Variants in ATG7 observed in about 807,000 individuals in gnomAD.
The protein encoded by ATG7 is ubiquitin-like modifier-activating enzyme ATG7.
ATG7 carries 70 observed loss-of-function variants against 82.4 expected under a neutral mutation model. The ratio of observed to expected loss-of-function variants is 0.85; its 90% confidence interval spans 0.70 to 1.04. The LOEUF is 1.04. Among genes scored for constraint, ATG7 ranks in the 50% least tolerant of loss-of-function variants. The pLI, the probability that ATG7 is intolerant of heterozygous loss-of-function variation, is 0.00. For missense variants in ATG7, 792 were observed against 864.3 expected, an observed-to-expected ratio of 0.92 and a Z score of 1.05; for synonymous variants, 287 against 313.0, an observed-to-expected ratio of 0.92 and a Z score of 0.88.
intron 19 of ATG7, among the ~76,000 whole-genome samples, chr3:11,406,729 G>A (rs2080379233): frequency 6.6e-6 from 1 of 152,202 alleles, no homozygotes; most frequent in African/African-American, 2.4e-5. Context: ...GATGGCAGCA[G>A]GAAAACAGAG....
intron 19 of ATG7, among the ~76,000 whole-genome samples, chr3:11,411,976 CCT>C (rs1576212505): frequency 1.0e-5 from 1 of 98,206 alleles, no homozygotes; most frequent in Non-Finnish European, 2.6e-5. Flanking sequence ...AAAAGACTGT[CCT>C]TTTTTTTTTT....
At chr3:11,486,820 GTTTTTT>G (rs34251925) in intron 20 of ATG7, among the ~76,000 whole-genome samples, 4 of 132,026 alleles carry the variant, frequency 3.0e-5, no homozygotes, top group Non-Finnish European at 4.8e-5. Flanking sequence ...CTTTGGTTCT[GTTTTTT>G]TTTTTTTTTT....
At chr3:11,542,105 A>G (rs1014677687) in intron 20 of ATG7, among the ~76,000 whole-genome samples, 1 of 152,200 alleles carries the variant, frequency 6.6e-6, no homozygotes, top group African/African-American at 2.4e-5. Context: ...CCCCGTTGCT[A>G]GCCATTCGCG....
At chr3:11,394,947 A>G (rs886730949) in intron 19 of ATG7, among the ~76,000 whole-genome samples, 1 of 152,190 alleles carries the variant, frequency 6.6e-6, no homozygotes, top group Non-Finnish European at 1.5e-5. Context: ...AGACAAAAGA[A>G]ATACAGACAT....
Position 11,380,010 on chromosome 3 carries a change from C to A in ATG7, c.1914C>A (p.Pro638=). The change falls in exon 19 of 21, where the codon CCC becomes CCA. Residue 638 remains proline, a synonymous_variant. Transcript: ENST00000693202. ...GFLSRFDNVL[P]VSLAFDKCTA... is the part of the protein sequence containing the mutation. ...TTTCACGGTTTGATAATGTCCTTCC[C>A]GTCAGCCTGGCATTTGACAAATGTA... is the stretch of plus-strand genomic sequence containing the variant. 3.1e-6 allele frequency: 5 copies of A among 1,614,068 alleles called. No homozygotes were observed. The highest frequency in any genetic ancestry group is 4.2e-6 in the Non-Finnish European group (5 of 1,179,996).
At chr3:11,522,683 A>AC (rs1353986698) in intron 20 of ATG7, among the ~76,000 whole-genome samples, 1 of 152,236 alleles carries the variant, frequency 6.6e-6, no homozygotes, top group Non-Finnish European at 1.5e-5. Flanking sequence ...AAAATGGTCT[A>AC]CCCAAAGCTT....
intron 20 of ATG7, among the ~76,000 whole-genome samples, chr3:11,436,564 T>C (rs2083388427): frequency 6.6e-6 from 1 of 152,162 alleles, no homozygotes; most frequent in Admixed American, 6.5e-5. Flanking sequence ...TGTGTATAAA[T>C]ATAGCCCAGA....
intron 20 of ATG7, among the ~76,000 whole-genome samples, chr3:11,521,972 C>T (rs1476150342): frequency 6.6e-6 from 1 of 152,132 alleles, no homozygotes; most frequent in African/African-American, 2.4e-5. Flanking sequence ...CTCTTTATGC[C>T]GTTGGTCCTC....
the ATG7 span, among the ~76,000 whole-genome samples, chr3:11,570,766 T>C: frequency 6.6e-6 from 1 of 152,166 alleles, no homozygotes; most frequent in East Asian, 1.9e-4. Context: ...TTTAGTCCCT[T>C]CCTCCAACTT....
rs752495534 is a variant in ATG7, at chr3:11,556,793, A to G, written c.*1950A>G. The G allele has an allele frequency of 5.2e-5, 8 of 152,814 alleles. No individual in the cohort carries two copies. The highest frequency in any genetic ancestry group is 1.2e-4 in the African/African-American group (5 of 41,462). 9.5% of individuals were successfully genotyped at this position (152,814 alleles called of 1,614,324 possible). A position where few individuals can be genotyped will look rare whatever the true frequency, so the allele number is the denominator to read the frequency against. ...TCACCCATATAGAAAAGTGTTCTCA[A>G]CGATTTTTCCTACAGAAAATATAGG... On this transcript the variant is annotated 3_prime_UTR_variant, in exon 21 of 21. Transcript: ENST00000693202.
chr3:11,318,413 G>A (rs1299099910), intron 9 of ATG7, among the ~76,000 whole-genome samples: 1 of 152,202 alleles, frequency 6.6e-6, no homozygotes, highest in Non-Finnish European at 1.5e-5. Context: ...AATTGATACG[G>A]GTGATACTTT....
chr3:11,563,013 T>C, the ATG7 span, among the ~76,000 whole-genome samples: 1 of 152,256 alleles, frequency 6.6e-6, no homozygotes, highest in African/African-American at 2.4e-5. Context: ...CAGGCCACTC[T>C]GTTCAGCAGT....
At chr3:11,434,706 A>G (rs1372611797) in intron 20 of ATG7, among the ~76,000 whole-genome samples, 1 of 152,242 alleles carries the variant, frequency 6.6e-6, no homozygotes, top group Non-Finnish European at 1.5e-5. Context: ...GGAAAGTTGC[A>G]ATTGGAAAAT....
intron 9 of ATG7, among the ~76,000 whole-genome samples, chr3:11,319,046 C>T (rs151179759): frequency 2.0e-5 from 3 of 152,298 alleles, no homozygotes; most frequent in East Asian, 1.9e-4. Flanking sequence ...CCCCACTCTG[C>T]GTCCTCAACA....
downstream of ATG7, chr3:11,559,407 T>G: frequency 6.4e-7 from 1 of 1,563,108 alleles, no homozygotes; most frequent in Non-Finnish European, 8.7e-7. Context: ...TGCGAGAGGT[T>G]GCAGTTGCGG....
At chr3:11,469,988 C>CAAAAAAAAA (rs10628540) in intron 20 of ATG7, among the ~76,000 whole-genome samples, 167 of 87,480 alleles carry the variant, frequency 1.9e-3, no homozygotes, top group Middle Eastern at 7.1e-3. Flanking sequence ...GACTCCATCT[C>CAAAAAAAAA]AAAAAAAAAA....
chr3:11,304,843 T>C (rs192305345), intron 5 of ATG7, among the ~76,000 whole-genome samples: 148 of 152,342 alleles, frequency 9.7e-4, no homozygotes, highest in Non-Finnish European at 1.8e-3. Flanking sequence ...TTTTAGGAGC[T>C]ATGTTGAGAT....
At chr3:11,492,636 G>A (rs1475882241) in intron 20 of ATG7, among the ~76,000 whole-genome samples, 1 of 152,248 alleles carries the variant, frequency 6.6e-6, no homozygotes, top group Non-Finnish European at 1.5e-5. Context: ...GCACTGGCAG[G>A]AGCAAACTCC....
intron 20 of ATG7, among the ~76,000 whole-genome samples, chr3:11,433,691 T>A (rs1403692662): frequency 6.6e-6 from 1 of 152,234 alleles, no homozygotes; most frequent in Non-Finnish European, 1.5e-5. Context: ...TTAGGCTGTT[T>A]TACTTCCTTG....
Sources: gnomAD v4.1 joint callset for allele counts (sites outside exome capture counted in the v4.1 genomes callset) on GRCh38, gnomAD v4.1.1 for gene constraint, MANE v1.5 for transcripts, NCBI Gene and HGNC (gene_info 2026-07-23, HGNC 2026-07-21) for gene names.